The following MYO3A variants were observed in gnomAD, a reference collection of about 807,000 sequenced individuals.
MYO3A encodes the protein myosin IIIA.
Under a neutral mutation model 192.7 loss-of-function variants are expected in MYO3A, and 180 were observed. That is an observed-to-expected ratio of 0.93 (90% CI 0.83 to 1.06). MYO3A has a LOEUF of 1.06. Among genes scored for constraint, MYO3A ranks in the 50% least tolerant of loss-of-function variants. The pLI is 0.00. For missense variants in MYO3A, 1,896 were observed against 1,905.0 expected, an observed-to-expected ratio of 1.00 and a Z score of 0.09; for synonymous variants, 628 against 645.3, an observed-to-expected ratio of 0.97 and a Z score of 0.41.
chr10:26,107,193 G>T (rs1244665282), intron 17 of MYO3A, among the ~76,000 whole-genome samples: 1 of 152,004 alleles, frequency 6.6e-6, no homozygotes, highest in East Asian at 1.9e-4. Flanking sequence ...CTTAAATAAA[G>T]ATTAGAGGCT....
intron 19 of MYO3A, 151 bp downstream of exon 19, chr10:26,125,759 C>G: frequency 2.6e-6 from 2 of 759,014 alleles, no homozygotes; most frequent in South Asian, 3.6e-5. Context: ...ATAAGCTTCA[C>G]TTCCTAATAG....
At chr10:26,157,073 T>C (rs1841180771) in intron 25 of MYO3A, among the ~76,000 whole-genome samples, 3 of 152,250 alleles carry the variant, frequency 2.0e-5, no homozygotes, top group Admixed American at 6.5e-5. Context: ...AGCAAACTTT[T>C]AATAGCTAAA....
chr10:26,016,500 CG>C (rs1179595902), intron 6 of MYO3A, among the ~76,000 whole-genome samples: 4 of 152,040 alleles, frequency 2.6e-5, no homozygotes, highest in Admixed American at 6.6e-5. Context: ...TATGTAAAAT[CG>C]TTTACAATGT....
At chr10:26,041,351 CTGT>C (rs56389979) in intron 10 of MYO3A, among the ~76,000 whole-genome samples, 2 of 151,508 alleles carry the variant, frequency 1.3e-5, no homozygotes, top group Admixed American at 6.6e-5. Flanking sequence ...GTTGTTGTTG[CTGT>C]TGTTGTTGTT....
chr10:26,056,815 A>G lies in MYO3A; in HGVS notation c.954-10160A>G, dbSNP rs529006351. On this transcript the variant is annotated intron_variant, in intron 10 of 34. Transcript: ENST00000642920. ...GAAATCTCCATCTTTTTCAACTCTTATATCCACTACATCACCAAATTATAT... is the reference window on the plus strand; with the variant it reads ...GAAATCTCCATCTTTTTCAACTCTTGTATCCACTACATCACCAAATTATAT... Among the ~76,000 whole-genome samples the G allele has an allele frequency of 1.6e-3, 248 of 152,332 alleles. 1 individual carries two copies. The highest frequency in any genetic ancestry group is 5.7e-3 in the African/African-American group (238 of 41,566).
intron 10 of MYO3A, among the ~76,000 whole-genome samples, chr10:26,036,035 A>G (rs1421888498): frequency 6.6e-6 from 1 of 151,566 alleles, no homozygotes; most frequent in Non-Finnish European, 1.5e-5. Flanking sequence ...CCGGGTTCAC[A>G]CCATTCTCCT....
At chr10:26,096,343 C>A in intron 15 of MYO3A, 38 bp from the exon 16 acceptor site, 2 of 1,409,868 alleles carry the variant, frequency 1.4e-6, no homozygotes, top group Non-Finnish European at 1.0e-6. Flanking sequence ...AAGAAATGTT[C>A]TTACTAACTA....
At chr10:26,042,805 G>T (rs1243608450) in intron 10 of MYO3A, among the ~76,000 whole-genome samples, 2 of 152,144 alleles carry the variant, frequency 1.3e-5, no homozygotes, top group Non-Finnish European at 2.9e-5. Flanking sequence ...CTCCAGGATT[G>T]GTCCCTGGTG....
chr10:26,017,215 A>G (rs1842031261), intron 7 of MYO3A, among the ~76,000 whole-genome samples: 1 of 152,208 alleles, frequency 6.6e-6, no homozygotes, highest in African/African-American at 2.4e-5. Context: ...ATTATCTTTT[A>G]AAATTATAGT....
At chr10:25,954,834 G>T (rs1284059426) in intron 3 of MYO3A, 40 bp from the exon 4 acceptor site, 1 of 1,593,248 alleles carries the variant, frequency 6.3e-7, no homozygotes, top group Non-Finnish European at 8.6e-7. Flanking sequence ...ATTACTCATG[G>T]TTTTCTCACA....
chr10:26,172,105 A>T (rs1842075323), intron 29 of MYO3A, among the ~76,000 whole-genome samples: 1 of 152,234 alleles, frequency 6.6e-6, no homozygotes, highest in Non-Finnish European at 1.5e-5. Context: ...TAGAGGCAGA[A>T]AGTCAAGGGA....
chr10:26,122,730 CCTT>C (rs913149650), intron 18 of MYO3A, among the ~76,000 whole-genome samples: 2 of 152,164 alleles, frequency 1.3e-5, no homozygotes, highest in African/African-American at 2.4e-5. Context: ...TCCTTCTCCT[CCTT>C]CTCCTTTTCT....
At position 26,166,134 on chromosome 10, in the gene MYO3A, T is replaced by C. The variant is rs1448727559; in HGVS notation, c.3067T>C (p.Leu1023=). The change falls in exon 27 of 35, where the codon TTG becomes CTG. Residue 1023 remains leucine, a synonymous_variant. Transcript: ENST00000642920. ...GAGCCCTGACACCTGTGCCACCATT[T>C]TGGAAAAAGCTGGTCTCGATAACTG... ...RMSPDTCATI[L]EKAGLDNWAL... is the part of the protein sequence containing the mutation. 2 of 1,614,098 alleles carry C rather than the reference T, an allele frequency of 1.2e-6. No individual in the cohort carries two copies. The highest frequency in any genetic ancestry group is 1.3e-5 in the African/African-American group (1 of 75,058).
chr10:26,164,958 T>C (rs1313652173), intron 26 of MYO3A, among the ~76,000 whole-genome samples: 2 of 152,198 alleles, frequency 1.3e-5, no homozygotes, highest in African/African-American at 4.8e-5. Context: ...GCCTAGTGGC[T>C]AATAGGCACT....
Position 26,125,697 on chromosome 10 carries a change from A to G in MYO3A, c.2114+89A>G, listed in dbSNP as rs912687986. ...TGATTGTTTTGTATAGATCTCTTTC[A>G]AGATGTTTCTATAATTGATGTAATT... On this transcript the variant is annotated intron_variant, in intron 19 of 34. Transcript: ENST00000642920. 47 of 1,118,370 alleles carry G rather than the reference A, an allele frequency of 4.2e-5. No individual in the cohort carries two copies. The African/African-American group carries it at 5.3e-4, about 13-fold the overall frequency. 69.3% of individuals were successfully genotyped at this position (1,118,370 alleles called of 1,614,324 possible). A position where few individuals can be genotyped will look rare whatever the true frequency, so the allele number is the denominator to read the frequency against.
At chr10:26,167,285 C>T (rs1841805476) in intron 27 of MYO3A, among the ~76,000 whole-genome samples, 1 of 150,150 alleles carries the variant, frequency 6.7e-6, no homozygotes, top group Non-Finnish European at 1.5e-5. Flanking sequence ...ATCCCTGTAA[C>T]AATTTAAGAG....
rs1406640159 is a variant in MYO3A, at chr10:26,107,505, AG to A, written c.1776+10826del. Among the ~76,000 whole-genome samples the A allele has an allele frequency of 2.0e-5, 3 of 149,830 alleles. No individual in the cohort carries two copies. In the East Asian group the frequency reaches 5.9e-4, roughly 29 times the overall value. ...TCAAAAAAAAAAAAAAAAAAAGATT[AG>A]GGTAAAACTCAACTGTGTCTGACCC... On this transcript the variant is annotated intron_variant, in intron 17 of 34. Transcript: ENST00000642920.
At position 26,007,753 on chromosome 10, in the gene MYO3A, A is replaced by G. The variant is rs547191515; in HGVS notation, c.509-9067A>G. ...AAAGAGGATACAAACAAATGGAAGA[A>G]CATTCCATGCTCATGGGTAGGAAGA... On this transcript the variant is annotated intron_variant, in intron 6 of 34. Coordinates refer to ENST00000642920, the MANE Select transcript of MYO3A (RefSeq NM_017433.5). Among the ~76,000 whole-genome samples, 174 of 150,888 alleles carry G rather than the reference A, an allele frequency of 1.2e-3. 1 individual carries two copies. The highest frequency in any genetic ancestry group is 4.2e-3 in the African/African-American group (168 of 40,404).
rs371664684 is a variant in MYO3A, at chr10:26,047,636, G to A, written c.954-19339G>A. Among the ~76,000 whole-genome samples, 97 of 151,894 alleles carry A rather than the reference G, an allele frequency of 6.4e-4. 1 individual carries two copies. The East Asian group carries it at 0.015, about 23-fold the overall frequency. On this transcript the variant is annotated intron_variant, in intron 10 of 34. Transcript: ENST00000642920. ...AAAATACAAAAAAAATTAGCCGGGC[G>A]TGGTGGCAGGCGCCTGTAGTCCCAG...
Sources: gnomAD v4.1 joint callset for allele counts (sites outside exome capture counted in the v4.1 genomes callset) on GRCh38, gnomAD v4.1.1 for gene constraint, MANE v1.5 for transcripts, NCBI Gene and HGNC (gene_info 2026-07-23, HGNC 2026-07-21) for gene names.